The following MYO3B variants were observed in gnomAD, a reference collection of about 807,000 sequenced individuals.
MYO3B encodes the protein myosin-IIIb.
In MYO3B, 156 loss-of-function variants were observed where a neutral mutation model predicts 174.6. The ratio of observed to expected loss-of-function variants is 0.89; its 90% confidence interval spans 0.78 to 1.02. The LOEUF (loss-of-function observed/expected upper bound fraction) is 1.02, where lower values mean the gene tolerates loss of function less well. MYO3B is among the 50% of genes least tolerant of loss of function. The probability of loss-of-function intolerance (pLI) is 0.00; values close to 1 mark genes in which losing one functional copy is unlikely to be tolerated. For missense variants in MYO3B, 1,632 were observed against 1,639.4 expected (o/e 1.00, Z 0.08); for synonymous variants, 563 against 569.1 (o/e 0.99, Z 0.15).
At chr2:170,462,189 A>G (rs2105955944) in intron 23 of MYO3B, among the ~76,000 whole-genome samples, 1 of 152,298 alleles carries the variant, frequency 6.6e-6, no homozygotes. Flanking sequence ...AGGCAGTTAT[A>G]TCATTGTTTC....
At chr2:170,223,834 A>G (rs1387220975) in intron 6 of MYO3B, among the ~76,000 whole-genome samples, 1 of 152,234 alleles carries the variant, frequency 6.6e-6, no homozygotes, top group Admixed American at 6.5e-5. Context: ...TTTATTGAGG[A>G]CACCAGTAGA....
At chr2:170,180,270 T>C in intron 1 of MYO3B, 1 of 329,336 alleles carries the variant, frequency 3.0e-6, no homozygotes. Context: ...GAACTAAAAC[T>C]AGCTCACGAG....
At chr2:170,274,751 G>C (rs966944792) in intron 7 of MYO3B, among the ~76,000 whole-genome samples, 11 of 152,176 alleles carry the variant, frequency 7.2e-5, no homozygotes, top group African/African-American at 2.6e-4. Flanking sequence ...GACTTTTACT[G>C]TATGTAAATT....
At chr2:170,579,971 A>G (rs12467360) in intron 32 of MYO3B, among the ~76,000 whole-genome samples, 112,937 of 152,200 alleles carry the variant, frequency 0.74, 42,179 homozygotes, top group Admixed American at 0.81. Context: ...AAGAACAGAA[A>G]TTACAGAGTT....
intron 32 of MYO3B, chr2:170,601,886 CT>C (rs1694532340): frequency 1.2e-6 from 1 of 856,552 alleles, no homozygotes; most frequent in African/African-American, 1.7e-5. Context: ...GGATGCTCTC[CT>C]TTGATTTTTG....
intron 23 of MYO3B, among the ~76,000 whole-genome samples, chr2:170,460,702 G>A (rs1191289986): frequency 6.6e-6 from 1 of 152,178 alleles, no homozygotes; most frequent in African/African-American, 2.4e-5. Context: ...GTTAGACAGG[G>A]CCCGTCACTA....
At chr2:170,325,960 T>A (rs1007315096) in intron 7 of MYO3B, among the ~76,000 whole-genome samples, 5 of 152,170 alleles carry the variant, frequency 3.3e-5, no homozygotes, top group African/African-American at 9.7e-5. Flanking sequence ...AGAAGTCCTG[T>A]TTTTATTGCC....
At chr2:170,616,143 G>A (rs947478233) in intron 32 of MYO3B, among the ~76,000 whole-genome samples, 2 of 152,180 alleles carry the variant, frequency 1.3e-5, no homozygotes, top group Admixed American at 6.5e-5. Context: ...GAAACAGGAC[G>A]TGAAGCTAGA....
chr2:170,199,515 T>G, intron 2 of MYO3B, 124 bp downstream of exon 2: 2 of 774,724 alleles, frequency 2.6e-6, no homozygotes, highest in Non-Finnish European at 2.0e-6. Flanking sequence ...AAATGGGTCA[T>G]GATTTGTCAG....
intron 7 of MYO3B, among the ~76,000 whole-genome samples, chr2:170,318,431 G>A (rs1021598493): frequency 6.6e-6 from 1 of 152,154 alleles, no homozygotes. Context: ...GCAGATCCAG[G>A]ACTAGGAATT....
chr2:170,407,879 A>C, intron 22 of MYO3B, 35 bp downstream of exon 22: 1 of 1,611,048 alleles, frequency 6.2e-7, no homozygotes, highest in East Asian at 2.2e-5. Context: ...CTGCTCTTAA[A>C]GCTTTTGCAA....
At chr2:170,439,719 C>T (rs764663113) in intron 22 of MYO3B, among the ~76,000 whole-genome samples, 3 of 152,142 alleles carry the variant, frequency 2.0e-5, no homozygotes, top group African/African-American at 2.4e-5. Flanking sequence ...CTCGCTCTGT[C>T]GCCCAGGCTG....
chr2:170,347,632 G>A (rs987384604), intron 8 of MYO3B, among the ~76,000 whole-genome samples: 2 of 152,062 alleles, frequency 1.3e-5, no homozygotes, highest in Non-Finnish European at 2.9e-5. Context: ...ATCAAGTGAT[G>A]GACTTTAGGC....
At chr2:170,359,631 A>C (rs1306793244) in intron 8 of MYO3B, among the ~76,000 whole-genome samples, 1 of 152,098 alleles carries the variant, frequency 6.6e-6, no homozygotes, top group Non-Finnish European at 1.5e-5. Context: ...ATTTTATACC[A>C]ATGAACTTCC....
intron 5 of MYO3B, among the ~76,000 whole-genome samples, chr2:170,217,038 G>A (rs1488817631): frequency 2.7e-5 from 4 of 149,110 alleles, no homozygotes; most frequent in Non-Finnish European, 4.5e-5. Flanking sequence ...TAAATGATTG[G>A]AAAAAAAAAA....
At chr2:170,441,824 T>C (rs956754618) in intron 22 of MYO3B, among the ~76,000 whole-genome samples, 1 of 152,250 alleles carries the variant, frequency 6.6e-6, no homozygotes, top group Non-Finnish European at 1.5e-5. Context: ...ATTGCCATCT[T>C]GGTTTCGGTG....
intron 28 of MYO3B, among the ~76,000 whole-genome samples, chr2:170,502,797 TTAAA>T (rs1324097577): frequency 2.0e-5 from 3 of 152,234 alleles, no homozygotes; most frequent in East Asian, 1.9e-4. Context: ...AAGGAAACTC[TTAAA>T]TAAAACAGCT....
At chr2:170,231,787 T>G (rs980814001) in intron 6 of MYO3B, among the ~76,000 whole-genome samples, 2 of 152,228 alleles carry the variant, frequency 1.3e-5, no homozygotes, top group Non-Finnish European at 2.9e-5. Flanking sequence ...TCTAGCTAAT[T>G]TGTATGGCAG....
At chr2:170,261,499 C>T (rs1293660853) in intron 7 of MYO3B, among the ~76,000 whole-genome samples, 1 of 152,140 alleles carries the variant, frequency 6.6e-6, no homozygotes, top group Admixed American at 6.5e-5. Flanking sequence ...CTGCAGTGAG[C>T]TATGATTTTG....
Sources: gnomAD v4.1 joint callset for allele counts (sites outside exome capture counted in the v4.1 genomes callset) on GRCh38, gnomAD v4.1.1 for gene constraint, MANE v1.5 for transcripts, NCBI Gene and HGNC (gene_info 2026-07-23, HGNC 2026-07-21) for gene names.